The following CHRNA9 variants were observed in gnomAD, a reference collection of about 807,000 sequenced individuals.
CHRNA9 encodes neuronal acetylcholine receptor subunit alpha-9.
Under a neutral mutation model 36.8 loss-of-function variants are expected in CHRNA9, and 24 were observed. The ratio of observed to expected loss-of-function variants is 0.65; its 90% confidence interval spans 0.47 to 0.92. The LOEUF is 0.92. Among genes scored for constraint, CHRNA9 ranks in the 40% least tolerant of loss-of-function variants. The pLI, the probability that CHRNA9 is intolerant of heterozygous loss-of-function variation, is 0.00. For synonymous variants in CHRNA9, 231 were observed against 231.8 expected (o/e 1.00, Z 0.03); for missense variants, 610 against 601.2 (o/e 1.01, Z -0.15).
At position 40,353,985 on chromosome 4, in the gene CHRNA9, A is replaced by T; in HGVS notation, c.905A>T (p.Tyr302Phe). ...ASENVPLIGK[Y>F]YIATMALITA... is the part of the protein sequence containing the mutation. ...GTTGTTATTTTAATTCCAGGTAAATACTACATAGCCACGATGGCCCTGATC... is the reference window on the plus strand; with the variant it reads ...GTTGTTATTTTAATTCCAGGTAAATTCTACATAGCCACGATGGCCCTGATC... Residue 302 changes from tyrosine (Y) to phenylalanine (F), a missense_variant, in exon 5 of 5, where the codon TAC (tyrosine) becomes TTC (phenylalanine). By Grantham distance (22) the Tyr-to-Phe change is conservative. Transcript: ENST00000310169. 3 of 1,590,656 alleles carry T rather than the reference A, an allele frequency of 1.9e-6. No homozygotes were observed. Among genetic ancestry groups the T allele is most frequent in the Non-Finnish European group, 2.6e-6 (3 of 1,165,980 alleles).
chr4:40,345,292 T>C (rs1447964004), intron 3 of CHRNA9, among the ~76,000 whole-genome samples: 1 of 151,806 alleles, frequency 6.6e-6, no homozygotes, highest in Non-Finnish European at 1.5e-5. Flanking sequence ...TGGCTTGTAC[T>C]GGTAATCCCA....
chr4:40,340,290 TC>T (rs1712462405), intron 3 of CHRNA9, among the ~76,000 whole-genome samples: 1 of 152,212 alleles, frequency 6.6e-6, no homozygotes, highest in Admixed American at 6.5e-5. Context: ...GACTCTTTAG[TC>T]ATCTCTGTGC....
rs1473553788 is a variant in CHRNA9 at position 40,337,291 on chromosome 4, C to G, written c.292C>G (p.Gln98Glu). 6.2e-7 allele frequency: 1 copy of G among 1,614,206 alleles called. No homozygotes were observed. Among genetic ancestry groups the G allele is most frequent in the South Asian group, 1.1e-5 (1 of 91,088 alleles). Residue 98 changes from glutamine to glutamate, a missense_variant, in exon 3 of 5, where the codon CAG becomes GAG. Gln to Glu is a conservative substitution (Grantham distance 29). Coordinates refer to ENST00000310169, the MANE Select transcript of CHRNA9 (RefSeq NM_017581.4). ...TGCCTATCTCACGTGGGACCGAGAT[C>G]AGTACGATGGCCTAGACTCCATCAG... ...HDAYLTWDRD[Q>E]YDGLDSIRIP...
chr4:40,345,798 G>A (rs1712621897), intron 3 of CHRNA9, among the ~76,000 whole-genome samples: 1 of 152,172 alleles, frequency 6.6e-6, no homozygotes, highest in African/African-American at 2.4e-5. Flanking sequence ...GCTGAGGCGG[G>A]TGGATCACCT....
intron 3 of CHRNA9, among the ~76,000 whole-genome samples, chr4:40,342,539 T>G (rs1204845946): frequency 6.6e-6 from 1 of 152,162 alleles, no homozygotes; most frequent in East Asian, 1.9e-4. Context: ...AGTCATGTCA[T>G]GAAAACCAAG....
Position 40,354,041 on chromosome 4 carries a change from A to G in CHRNA9, c.961A>G (p.Met321Val). 1 of 1,614,178 alleles carries G rather than the reference A, an allele frequency of 6.2e-7. No individual in the cohort carries two copies. The highest frequency in any genetic ancestry group is 8.5e-7 in the Non-Finnish European group (1 of 1,180,012). The change falls in exon 5 of 5, where the codon ATG becomes GTG. Residue 321 changes from methionine to valine, a missense_variant. Met to Val is a conservative substitution (Grantham distance 21, BLOSUM62 1). Transcript: ENST00000310169. ...CTCCACTGCGTTGACCATCATGGTG[A>G]TGAATATCCACTTCTGTGGGGCCGA... ...TASTALTIMV[M>V]NIHFCGAEAR...
chr4:40,354,843 T>C lies in CHRNA9; in HGVS notation c.*323T>C. 4.9e-6 allele frequency: 1 copy of C among 202,898 alleles called. No homozygotes were observed. Among genetic ancestry groups the C allele is most frequent in the Non-Finnish European group, 1.0e-5 (1 of 99,124 alleles). The allele number at this position is 202,898 out of a possible 1,614,324, so 12.6% of individuals were successfully genotyped here. A position where few individuals can be genotyped will look rare whatever the true frequency, so the allele number is the denominator to read the frequency against. On this transcript the variant is annotated 3_prime_UTR_variant, in exon 5 of 5. Coordinates refer to ENST00000310169, the MANE Select transcript of CHRNA9 (RefSeq NM_017581.4). Reference sequence around the variant, plus strand: ...AACAAAATACACTTTACTGGTAAAATTTAAAACAAAAAAGGCAAAACAAAA... The same window carrying C: ...AACAAAATACACTTTACTGGTAAAACTTAAAACAAAAAAGGCAAAACAAAA...
intron 2 of CHRNA9, among the ~76,000 whole-genome samples, chr4:40,336,895 A>G (rs978506623): frequency 6.6e-6 from 1 of 152,158 alleles, no homozygotes; most frequent in African/African-American, 2.4e-5. Flanking sequence ...GCACATTGTT[A>G]TTTCCTGACT....
intron 4 of CHRNA9, 46 bp downstream of exon 4, chr4:40,349,460 G>A: frequency 6.4e-7 from 1 of 1,557,384 alleles, no homozygotes; most frequent in Non-Finnish European, 8.7e-7. Flanking sequence ...TGTAGTGCCT[G>A]GGGTCATGCC....
Position 40,343,522 on chromosome 4 carries a change from G to A in CHRNA9, c.366-5360G>A, listed in dbSNP as rs546367492. ...CCATGATTCAATTACCTCCCACCAC[G>A]TCCCTCCTGCAACATGTGGGAATTA... On this transcript the variant is annotated intron_variant, in intron 3 of 4. Coordinates refer to ENST00000310169, the MANE Select transcript of CHRNA9 (RefSeq NM_017581.4). Among the ~76,000 whole-genome samples, 8 of 152,236 alleles carry A rather than the reference G, an allele frequency of 5.3e-5. No homozygotes were observed. In the South Asian group the frequency reaches 1.7e-3, roughly 32 times the overall value.
At position 40,337,372 on chromosome 4, in the gene CHRNA9, C is replaced by T. The variant is rs748740413; in HGVS notation, c.365+8C>T. 21 of 1,607,714 alleles carry T rather than the reference C, an allele frequency of 1.3e-5. No homozygotes were observed. The highest frequency in any genetic ancestry group is 1.6e-5 in the Non-Finnish European group (19 of 1,175,488). ...CATCGTCTTATATAACAAGTAAGTG[C>T]AGCTCAGAACTGAGGCTTTTCAGGC... is the stretch of plus-strand genomic sequence containing the variant. On this transcript the variant is annotated splice_region_variant and intron_variant, in intron 3 of 4. Coordinates refer to ENST00000310169, the MANE Select transcript of CHRNA9 (RefSeq NM_017581.4).
At chr4:40,340,983 A>AG (rs1712484452) in intron 3 of CHRNA9, among the ~76,000 whole-genome samples, 1 of 145,226 alleles carries the variant, frequency 6.9e-6, no homozygotes. Context: ...CAAAAAAAAA[A>AG]AAAAAAAAAA....
At chr4:40,343,094 T>C (rs992126632) in intron 3 of CHRNA9, among the ~76,000 whole-genome samples, 2 of 152,162 alleles carry the variant, frequency 1.3e-5, no homozygotes, top group Non-Finnish European at 2.9e-5. Flanking sequence ...CTCTCCCTGC[T>C]CCCTCATTTA....
Position 40,354,067 on chromosome 4 carries a change from G to C in CHRNA9, c.987G>C (p.Glu329Asp), listed in dbSNP as rs777714337. 1.1e-5 allele frequency: 18 copies of C among 1,614,114 alleles called. No homozygotes were observed. In the Admixed American group the frequency reaches 3.0e-4, roughly 27 times the overall value. The change falls in exon 5 of 5, where the codon GAG (glutamate) becomes GAC (aspartate). Residue 329 changes from glutamate (E) to aspartate (D), a missense_variant. Glu to Asp is a conservative substitution (Grantham distance 45). Coordinates refer to ENST00000310169, the MANE Select transcript of CHRNA9 (RefSeq NM_017581.4). ...MVMNIHFCGAEARPVPHWARV... is the reference protein window; with the variant it reads ...MVMNIHFCGADARPVPHWARV... Reference sequence around the variant, plus strand: ...TGAATATCCACTTCTGTGGGGCCGAGGCCCGGCCGGTGCCACACTGGGCCA... The same window carrying C: ...TGAATATCCACTTCTGTGGGGCCGACGCCCGGCCGGTGCCACACTGGGCCA...
Position 40,354,253 on chromosome 4 carries a change from C to T in CHRNA9, c.1173C>T (p.Ser391=), listed in dbSNP as rs1469042734. Residue 391 remains serine (S), a synonymous_variant, in exon 5 of 5, where the codon TCC becomes TCT. Transcript: ENST00000310169. ...AAGCAGCCAGGAACAAAGACCTTTC[C>T]AGAAAGAAGGACATGAACAAACGCT... is the stretch of plus-strand genomic sequence containing the variant. ...NLKAARNKDL[S]RKKDMNKRLK... 1 of 1,614,152 alleles carries T rather than the reference C, an allele frequency of 6.2e-7. No individual in the cohort carries two copies. The highest frequency in any genetic ancestry group is 1.1e-5 in the South Asian group (1 of 91,080).
Position 40,349,243 on chromosome 4 carries a change from A to G in CHRNA9, c.727A>G (p.Asn243Asp). ...GAGGAGGTCCTCGTTCTATATCGTC[A>G]ACCTCCTCATCCCATGCGTCCTCAT... is the stretch of plus-strand genomic sequence containing the variant. ...LKRRSSFYIV[N>D]LLIPCVLISF... The change falls in exon 4 of 5, where the codon AAC becomes GAC. Residue 243 changes from asparagine (N) to aspartate (D), a missense_variant. Coordinates refer to ENST00000310169, the MANE Select transcript of CHRNA9 (RefSeq NM_017581.4). 6.2e-7 allele frequency: 1 copy of G among 1,614,168 alleles called. No homozygotes were observed. Among genetic ancestry groups the G allele is most frequent in the Non-Finnish European group, 8.5e-7 (1 of 1,180,026 alleles).
intron 3 of CHRNA9, among the ~76,000 whole-genome samples, chr4:40,340,608 C>T (rs1211600937): frequency 6.6e-6 from 1 of 152,096 alleles, no homozygotes; most frequent in African/African-American, 2.4e-5. Context: ...ACATCATAGG[C>T]AACACAATGG....
At chr4:40,344,258 C>T (rs1006973120) in intron 3 of CHRNA9, among the ~76,000 whole-genome samples, 5 of 152,164 alleles carry the variant, frequency 3.3e-5, no homozygotes, top group East Asian at 3.8e-4. Flanking sequence ...GGGCTGGGCA[C>T]GGTGGCTCGT....
Position 40,349,169 on chromosome 4 carries a change from G to A in CHRNA9, c.653G>A (p.Gly218Asp). The change falls in exon 4 of 5, where the codon GGC becomes GAC. Residue 218 changes from glycine to aspartate, a missense_variant. By Grantham distance (94) the Gly-to-Asp change is moderately conservative. Coordinates refer to ENST00000310169, the MANE Select transcript of CHRNA9 (RefSeq NM_017581.4). ...GCTGTGAAGAATGTGATCTCCTATG[G>A]CTGCTGCTCTGAGCCTTACCCGGAT... The part of the protein sequence containing the change: ...MPAVKNVISY[G>D]CCSEPYPDVT... The A allele has an allele frequency of 6.2e-7, 1 of 1,614,154 alleles. No homozygotes were observed. The highest frequency in any genetic ancestry group is 8.5e-7 in the Non-Finnish European group (1 of 1,180,010).
Sources: gnomAD v4.1 joint callset for allele counts (sites outside exome capture counted in the v4.1 genomes callset) on GRCh38, gnomAD v4.1.1 for gene constraint, MANE v1.5 for transcripts, NCBI Gene and HGNC (gene_info 2026-07-23, HGNC 2026-07-21) for gene names.